PCDHGB4: variants seen among roughly 807,000 people sequenced by gnomAD.
PCDHGB4 encodes protocadherin gamma subfamily B, 4.
In PCDHGB4, 38 loss-of-function variants were observed where a neutral mutation model predicts 60.5. The ratio of observed to expected loss-of-function variants is 0.63; its 90% CI spans 0.48 to 0.82. The LOEUF (loss-of-function observed/expected upper bound fraction) is 0.82. PCDHGB4 is among the 40% of genes least tolerant of loss of function. PCDHGB4 has a pLI of 0.00. For missense variants in PCDHGB4, 1,109 were observed against 1,209.6 expected (o/e 0.92, Z 1.23); for synonymous variants, 456 against 509.7 (o/e 0.89, Z 1.42).
intron 1 of PCDHGB4, among the ~76,000 whole-genome samples, chr5:141,460,807 A>G (rs2098998307): frequency 6.6e-6 from 1 of 151,962 alleles, no homozygotes; most frequent in Non-Finnish European, 1.5e-5. Context: ...ATATATATGT[A>G]TGTATACATA....
rs188827871 is a variant in PCDHGB4, at chr5:141,405,107, T to G, written c.2397+14826T>G. 137 of 1,613,998 alleles carry G rather than the reference T, an allele frequency of 8.5e-5. No homozygotes were observed. The Middle Eastern group carries it at 1.3e-3, about 16-fold the overall frequency. On this transcript the variant is annotated intron_variant, in intron 1 of 3. Coordinates refer to ENST00000519479, the MANE Select transcript of PCDHGB4 (RefSeq NM_003736.4). ...GCTGCTGGCCCTCAGGCTGAGGCAC[T>G]GGCACTCCTCGCATCTGCTGCGGGC...
At chr5:141,430,642 A>C in intron 1 of PCDHGB4, 2 of 918,498 alleles carry the variant, frequency 2.2e-6, no homozygotes, top group South Asian at 5.1e-5. Flanking sequence ...CCCTGGGAGT[A>C]TGTGGAAACA....
At chr5:141,404,707 C>G in intron 1 of PCDHGB4, 1 of 1,614,122 alleles carries the variant, frequency 6.2e-7, no homozygotes, top group Non-Finnish European at 8.5e-7. Context: ...CAGAGCCTGG[C>G]TACCTGGTGA....
intron 1 of PCDHGB4, among the ~76,000 whole-genome samples, chr5:141,460,447 A>G (rs1202218653): frequency 6.6e-6 from 1 of 152,170 alleles, no homozygotes; most frequent in Non-Finnish European, 1.5e-5. Context: ...GTAACAATGA[A>G]GATTCATATT....
chr5:141,477,630 T>G lies in PCDHGB4; in HGVS notation c.2398-17177T>G. The G allele has an allele frequency of 6.2e-7, 1 of 1,614,228 alleles. No homozygotes were observed. The highest frequency in any genetic ancestry group is 8.5e-7 in the Non-Finnish European group (1 of 1,180,042). ...TTGGAGCAAGGAGCTGAAACCGGGC[T>G]AGTGGGTCGCTATTTCACAATAAAT... On this transcript the variant is annotated intron_variant, in intron 1 of 3. Coordinates refer to ENST00000519479, the MANE Select transcript of PCDHGB4 (RefSeq NM_003736.4). The surrounding 1 kb of genome is among the most constrained non-coding windows in gnomAD (Gnocchi z 4.9).
In PCDHGB4 at chr5:141,398,940, G is replaced by C. The variant is rs781438773; in HGVS notation, c.2397+8659G>C. 6.2e-7 allele frequency: 1 copy of C among 1,613,944 alleles called. No individual in the cohort carries two copies. Among genetic ancestry groups the C allele is most frequent in the Middle Eastern group, 1.7e-4 (1 of 6,060 alleles). ...AAGTGTCAGCCACTGACCAAGACGAGGGCATCAACTCAGAAATTACTTATT... is the reference window on the plus strand; with the variant it reads ...AAGTGTCAGCCACTGACCAAGACGACGGCATCAACTCAGAAATTACTTATT... On this transcript the variant is annotated intron_variant, in intron 1 of 3. Transcript: ENST00000519479.
At chr5:141,464,278 G>GAAAA (rs2099080310) in intron 1 of PCDHGB4, among the ~76,000 whole-genome samples, 1 of 121,594 alleles carries the variant, frequency 8.2e-6, no homozygotes. Context: ...AAAAAAAAAA[G>GAAAA]CAAAAAAAAA....
chr5:141,414,648 T>G (rs2095770464), intron 1 of PCDHGB4: 2 of 1,613,844 alleles, frequency 1.2e-6, no homozygotes, highest in Non-Finnish European at 1.7e-6. Context: ...ATGCCCAGAT[T>G]ATTTACTCCC....
At chr5:141,460,159 T>A (rs1313260289) in intron 1 of PCDHGB4, among the ~76,000 whole-genome samples, 3 of 152,260 alleles carry the variant, frequency 2.0e-5, no homozygotes, top group Non-Finnish European at 1.5e-5. Context: ...CTTTGTCACA[T>A]ACATATTTTG....
intron 2 of PCDHGB4, among the ~76,000 whole-genome samples, chr5:141,500,281 T>A (rs1254933339): frequency 2.0e-5 from 3 of 151,934 alleles, no homozygotes; most frequent in Non-Finnish European, 4.4e-5. Context: ...CAATCTCGGC[T>A]CACTGCAAGC....
intron 1 of PCDHGB4, among the ~76,000 whole-genome samples, chr5:141,438,872 G>T (rs13178044): frequency 0.11 from 16,734 of 151,118 alleles, 1,094 homozygotes; most frequent in African/African-American, 0.17. Flanking sequence ...CATCAAGTTG[G>T]CCAGGCTGCT....
chr5:141,399,597 C>T, intron 1 of PCDHGB4: 1 of 1,613,958 alleles, frequency 6.2e-7, no homozygotes, highest in Non-Finnish European at 8.5e-7. Flanking sequence ...TCATGGCCAG[C>T]GACCTAGAGC....
Position 141,432,151 on chromosome 5 carries a change from C to T in PCDHGB4, c.2397+41870C>T. 2 of 1,614,122 alleles carry T rather than the reference C, an allele frequency of 1.2e-6. No homozygotes were observed. The highest frequency in any genetic ancestry group is 2.2e-5 in the South Asian group (2 of 91,066). ...CCTATTCCGCTTATATCCCAGAGAA[C>T]AATCCCAGAGGAGTTTCCCTCGTCT... On this transcript the variant is annotated intron_variant, in intron 1 of 3. Transcript: ENST00000519479. The surrounding 1 kb of genome is among the most constrained non-coding windows in gnomAD (Gnocchi z 6.0).
chr5:141,497,497 C>T (rs1318882060), intron 2 of PCDHGB4, among the ~76,000 whole-genome samples: 1 of 151,714 alleles, frequency 6.6e-6, no homozygotes, highest in Non-Finnish European at 1.5e-5. Context: ...TCTCTCTCTC[C>T]TCTCTCTGCT....
At chr5:141,426,021 A>G (rs1590662256) in intron 1 of PCDHGB4, among the ~76,000 whole-genome samples, 2 of 152,312 alleles carry the variant, frequency 1.3e-5, no homozygotes, top group East Asian at 3.9e-4. Context: ...AGTTTTCTAA[A>G]TAGACTCAGA....
chr5:141,433,017 A>G, intron 1 of PCDHGB4: 2 of 1,614,124 alleles, frequency 1.2e-6, no homozygotes, highest in Non-Finnish European at 8.5e-7. Context: ...CTGCAGACCT[A>G]TTCCCACGAG....
intron 1 of PCDHGB4, chr5:141,419,150 C>T (rs1276109093): frequency 1.2e-6 from 2 of 1,613,850 alleles, no homozygotes; most frequent in Admixed American, 3.3e-5. Flanking sequence ...GGGCAAGCCT[C>T]CGTTATCCTC....
chr5:141,421,102 T>G, intron 1 of PCDHGB4: 1 of 691,404 alleles, frequency 1.4e-6, no homozygotes, highest in Non-Finnish European at 2.4e-6. Flanking sequence ...CACTGGAGAC[T>G]TAGAAGTATT....
At chr5:141,447,988 A>C (rs1234413003) in intron 1 of PCDHGB4, among the ~76,000 whole-genome samples, 1 of 152,018 alleles carries the variant, frequency 6.6e-6, no homozygotes, top group Non-Finnish European at 1.5e-5. Flanking sequence ...CGGGAGGCTG[A>C]GGCATGAGAA....
Sources: allele counts gnomAD v4.1 joint callset (sites outside exome capture counted in the v4.1 genomes callset), GRCh38; gene constraint gnomAD v4.1.1; non-coding constraint Gnocchi (gnomAD v3.1); transcripts MANE v1.5; gene names NCBI Gene and HGNC (gene_info 2026-07-23, HGNC 2026-07-21).